NEK7: variants seen among roughly 807,000 people sequenced by gnomAD.
NEK7 encodes the protein NIMA related kinase 7.
A neutral mutation model predicts 44.6 loss-of-function variants in NEK7; 18 were observed. The ratio of observed to expected loss-of-function variants is 0.40; its 90% CI spans 0.28 to 0.60. The LOEUF (loss-of-function observed/expected upper bound fraction) is 0.60, where lower values mean the gene tolerates loss of function less well. Among genes scored for constraint, NEK7 ranks in the 20% least tolerant of loss-of-function variants. NEK7 has a pLI of 0.38. For missense variants in NEK7, 256 were observed against 366.5 expected (o/e 0.70, Z 2.46); for synonymous variants, 130 against 121.1 (o/e 1.07, Z -0.48).
At chr1:198,263,998 A>T in intron 4 of NEK7, 127 bp from the exon 5 acceptor site, 1 of 894,032 alleles carries the variant, frequency 1.1e-6, no homozygotes. Context: ...AAAGAAAAGT[A>T]TACTGTCATG....
At position 198,319,450 on chromosome 1, in the gene NEK7, A is replaced by G; in HGVS notation, c.837A>G (p.Pro279=). ...TTAATATGTGCATCAACCCAGATCCAGAGAAGCGACCAGACGTCACCTATG... is the reference window on the plus strand; with the variant it reads ...TTAATATGTGCATCAACCCAGATCCGGAGAAGCGACCAGACGTCACCTATG... ...QLVNMCINPD[P]EKRPDVTYVY... The change falls in exon 10 of 10, where the codon CCA becomes CCG. Residue 279 remains proline, a synonymous_variant. Transcript: ENST00000367385. 6.2e-7 allele frequency: 1 copy of G among 1,613,360 alleles called. No homozygotes were observed. The highest frequency in any genetic ancestry group is 1.7e-5 in the Admixed American group (1 of 59,894).
At chr1:198,179,786 C>A (rs766542528) in intron 1 of NEK7, among the ~76,000 whole-genome samples, 10 of 145,756 alleles carry the variant, frequency 6.9e-5, no homozygotes, top group Non-Finnish European at 1.3e-4. Context: ...GAAGAACCTA[C>A]AGTTACACAG....
chr1:198,165,327 T>C lies in NEK7; in HGVS notation c.-29+8051T>C, dbSNP rs187107483. Reference sequence around the variant, plus strand: ...GTTTTCAGTTTACTTTACCCAGATCTATCAGAGTGATCACTGTTTATGACA... The same window carrying C: ...GTTTTCAGTTTACTTTACCCAGATCCATCAGAGTGATCACTGTTTATGACA... On this transcript the variant is annotated intron_variant, in intron 1 of 9. Coordinates refer to ENST00000367385, the MANE Select transcript of NEK7 (RefSeq NM_133494.3). 4.7e-3 allele frequency among the ~76,000 whole-genome samples: 720 copies of C among 152,352 alleles called. 4 individuals are homozygous for C. The highest frequency in any genetic ancestry group is 7.0e-3 in the Non-Finnish European group (477 of 68,022).
At chr1:198,194,125 G>C (rs1571518724) in intron 1 of NEK7, among the ~76,000 whole-genome samples, 1 of 152,314 alleles carries the variant, frequency 6.6e-6, no homozygotes, top group East Asian at 1.9e-4. Flanking sequence ...CAAAGTCTCA[G>C]AATACAAAAT....
intron 1 of NEK7, among the ~76,000 whole-genome samples, chr1:198,192,206 T>TC (rs1316004544): frequency 2.0e-5 from 3 of 151,828 alleles, no homozygotes; most frequent in Non-Finnish European, 2.9e-5. Context: ...CTTCCTTTCT[T>TC]CCCCCCACAT....
chr1:198,170,420 G>C (rs905743669), intron 1 of NEK7, among the ~76,000 whole-genome samples: 1 of 152,216 alleles, frequency 6.6e-6, no homozygotes, highest in African/African-American at 2.4e-5. Flanking sequence ...CAGGCAGTTA[G>C]ATTAAATTGA....
chr1:198,198,125 G>C, intron 1 of NEK7: 1 of 1,044,922 alleles, frequency 9.6e-7, no homozygotes, highest in South Asian at 1.4e-5. Flanking sequence ...GGAACCTCCA[G>C]GGTACCCTAT....
At chr1:198,304,184 G>A (rs949550963) in intron 9 of NEK7, among the ~76,000 whole-genome samples, 2 of 152,100 alleles carry the variant, frequency 1.3e-5, no homozygotes, top group African/African-American at 4.8e-5. Flanking sequence ...TGTCCTGTGG[G>A]ATCCTACAAA....
chr1:198,213,160 G>A (rs1464365264), intron 1 of NEK7, among the ~76,000 whole-genome samples: 5 of 152,166 alleles, frequency 3.3e-5, no homozygotes, highest in African/African-American at 2.4e-5. Context: ...TCACTTGACC[G>A]AGAGTCATAG....
At chr1:198,310,727 A>G (rs1278920275) in intron 9 of NEK7, among the ~76,000 whole-genome samples, 2 of 151,994 alleles carry the variant, frequency 1.3e-5, no homozygotes. Context: ...TGTTTTTCTC[A>G]GGTTTGTCAA....
At chr1:198,257,962 A>G (rs1417937780) in intron 3 of NEK7, among the ~76,000 whole-genome samples, 1 of 152,220 alleles carries the variant, frequency 6.6e-6, no homozygotes, top group Non-Finnish European at 1.5e-5. Flanking sequence ...TCAAATAATT[A>G]TAGCAAAAAA....
chr1:198,245,304 A>C (rs1666805949), intron 2 of NEK7: 1 of 169,288 alleles, frequency 5.9e-6, no homozygotes. Context: ...TTCAAGAGTC[A>C]ATTGTATAAA....
At chr1:198,218,071 A>G (rs1028963972) in intron 1 of NEK7, among the ~76,000 whole-genome samples, 2 of 152,012 alleles carry the variant, frequency 1.3e-5, no homozygotes, top group African/African-American at 2.4e-5. Flanking sequence ...AGGAAAAACA[A>G]TCCTCAAATT....
At chr1:198,198,023 G>A (rs1454508724) in intron 1 of NEK7, 3 of 1,515,654 alleles carry the variant, frequency 2.0e-6, no homozygotes, top group Admixed American at 2.2e-5. Context: ...GGATGAGGGG[G>A]CCCACCTGGG....
intron 1 of NEK7, among the ~76,000 whole-genome samples, chr1:198,213,636 C>T (rs1665839407): frequency 1.3e-5 from 2 of 152,188 alleles, no homozygotes; most frequent in African/African-American, 4.8e-5. Flanking sequence ...AGGTGCCTGT[C>T]TGATCTCAAT....
chr1:198,180,202 G>T (rs1274787084), intron 1 of NEK7, among the ~76,000 whole-genome samples: 1 of 151,348 alleles, frequency 6.6e-6, no homozygotes, highest in Non-Finnish European at 1.5e-5. Flanking sequence ...TTTTGGTGGG[G>T]GGGTGCTTCC....
chr1:198,222,883 T>TG (rs1280367587), intron 1 of NEK7, among the ~76,000 whole-genome samples: 1 of 123,650 alleles, frequency 8.1e-6, no homozygotes, highest in African/African-American at 2.9e-5. Context: ...AAGCGGGGGG[T>TG]GGGGGTGGAT....
intron 9 of NEK7, among the ~76,000 whole-genome samples, chr1:198,299,735 A>T (rs1654827858): frequency 6.6e-6 from 1 of 152,224 alleles, no homozygotes; most frequent in Non-Finnish European, 1.5e-5. Context: ...GGAGGATTTC[A>T]TGAGAATACT....
At chr1:198,229,534 TG>T (rs2102865833) in intron 1 of NEK7, among the ~76,000 whole-genome samples, 1 of 152,142 alleles carries the variant, frequency 6.6e-6, no homozygotes, top group South Asian at 2.1e-4. Context: ...CCTTAACCTG[TG>T]GGATCTGTTG....
Sources: gnomAD v4.1 joint callset for allele counts (sites outside exome capture counted in the v4.1 genomes callset) on GRCh38, gnomAD v4.1.1 for gene constraint, MANE v1.5 for transcripts, NCBI Gene and HGNC (gene_info 2026-07-23, HGNC 2026-07-21) for gene names.